The following UPB1 variants were observed in gnomAD, a reference collection of about 807,000 sequenced individuals.
UPB1 encodes beta-ureidopropionase 1, also known as beta-ureidopropionase.
UPB1 carries 40 observed loss-of-function variants against 49.1 expected under a neutral mutation model. The observed-to-expected ratio is 0.81, with a 90% CI of 0.63 to 1.06. UPB1 has a LOEUF of 1.06. UPB1 is among the 50% of genes least tolerant of loss of function. UPB1 has a pLI of 0.00. For synonymous variants in UPB1, 207 were observed against 198.2 expected, an observed-to-expected ratio of 1.04 and a Z score of -0.38; for missense variants, 499 against 505.9, an observed-to-expected ratio of 0.99 and a Z score of 0.13.
chr22:24,503,805 T>C (rs1289167460), intron 3 of UPB1: 3 of 152,314 alleles, frequency 2.0e-5, no homozygotes, highest in East Asian at 1.9e-4. Context: ...TCCTGACTCA[T>C]GGCACTCTCC....
intron 3 of UPB1, among the ~76,000 whole-genome samples, chr22:24,508,657 C>T (rs992615414): frequency 6.6e-6 from 1 of 152,122 alleles, no homozygotes; most frequent in Non-Finnish European, 1.5e-5. Flanking sequence ...GCAGCTGGAT[C>T]ACCTGAGGTC....
At chr22:24,508,680 C>A (rs1349738401) in intron 3 of UPB1, among the ~76,000 whole-genome samples, 1 of 152,096 alleles carries the variant, frequency 6.6e-6, no homozygotes, top group East Asian at 1.9e-4. Flanking sequence ...GAGTTTGAGA[C>A]CAGCCTGGCC....
chr22:24,515,925 A>G (rs949686300), intron 6 of UPB1, among the ~76,000 whole-genome samples: 39 of 152,196 alleles, frequency 2.6e-4, no homozygotes, highest in African/African-American at 8.9e-4. Flanking sequence ...GCAGTGAGCC[A>G]AGATGGCACC....
At chr22:24,524,633 G>GCAC (rs1384998553) in intron 9 of UPB1, among the ~76,000 whole-genome samples, 2 of 152,030 alleles carry the variant, frequency 1.3e-5, no homozygotes, top group East Asian at 1.9e-4. Context: ...CTATAGGCGT[G>GCAC]CACCACCACC....
intron 3 of UPB1, among the ~76,000 whole-genome samples, chr22:24,507,490 A>G (rs2044111197): frequency 6.6e-6 from 1 of 152,142 alleles, no homozygotes; most frequent in South Asian, 2.1e-4. Flanking sequence ...AAAGGGGGTG[A>G]CACCAGCTTA....
chr22:24,496,374 C>T (rs1601470456), intron 1 of UPB1, among the ~76,000 whole-genome samples: 1 of 73,382 alleles, frequency 1.4e-5, no homozygotes, highest in African/African-American at 4.5e-5. Flanking sequence ...CTGTCTCAAA[C>T]ACACACACAC....
chr22:24,525,871 G>A lies in UPB1; in HGVS notation c.*77G>A, dbSNP rs2044474879. On this transcript the variant is annotated 3_prime_UTR_variant, in exon 10 of 10. Coordinates refer to ENST00000326010, the MANE Select transcript of UPB1 (RefSeq NM_016327.3). ...TTAGCAAGTGTGGCAGGCTTAACAT[G>A]TCCAGGTTCTCCCCAATAACATTGT... 4.5e-6 allele frequency: 7 copies of A among 1,559,904 alleles called. No individual in the cohort carries two copies. The African/African-American group carries it at 5.4e-5, about 12-fold the overall frequency.
At chr22:24,521,931 G>A in intron 7 of UPB1, 55 bp from the exon 8 acceptor site, 1 of 1,582,838 alleles carries the variant, frequency 6.3e-7, no homozygotes, top group Non-Finnish European at 8.7e-7. Flanking sequence ...GAGCTGGAAT[G>A]AGTGTAGTGG....
chr22:24,497,403 TTAAAGTGCTGGTGG>T (rs2043912882), intron 1 of UPB1, among the ~76,000 whole-genome samples: 1 of 152,140 alleles, frequency 6.6e-6, no homozygotes, highest in Non-Finnish European at 1.5e-5. Context: ...GTTTAATGAT[TTAAAGTGCTGGTGG>T]TAAAGAGCCA....
rs760896351 is a variant in UPB1 at position 24,513,415 on chromosome 22, T to A, written c.551T>A (p.Ile184Asn). Residue 184 changes from isoleucine (I) to asparagine (N), a missense_variant, in exon 5 of 10, where the codon ATC becomes AAC. Physicochemically the swap from Ile to Asn is moderately radical, Grantham distance 149 (BLOSUM62 -3). Coordinates refer to ENST00000326010, the MANE Select transcript of UPB1 (RefSeq NM_016327.3). ...GDVLWNTAVV[I>N]SNSGAVLGKT... ...GTTTTGTGGAATACAGCCGTGGTGA[T>A]CTCCAATTCCGGAGCAGTCCTGGGA... 7.4e-6 allele frequency: 12 copies of A among 1,614,164 alleles called. No individual in the cohort carries two copies. The Admixed American group carries it at 1.0e-4, about 13-fold the overall frequency.
At chr22:24,500,340 ACCTGCAGG>A in intron 2 of UPB1, 62 bp downstream of exon 2, 1 of 1,606,642 alleles carries the variant, frequency 6.2e-7, no homozygotes, top group Non-Finnish European at 8.5e-7. Context: ...CTTGGAGCAC[ACCTGCAGG>A]CCCTGGCTGG....
In UPB1 at chr22:24,500,655, G is replaced by A. The variant is rs548465204; in HGVS notation, c.276+377G>A. 1.2e-4 allele frequency among the ~76,000 whole-genome samples: 19 copies of A among 152,346 alleles called. 1 individual carries two copies. The highest frequency in any genetic ancestry group is 1.1e-3 in the Admixed American group (17 of 15,308). ...ACACGCTGGTTGGGACCGTCTGTCC[G>A]TGTGTTCTTCTGCCTTAATCCTCAG... On this transcript the variant is annotated intron_variant, in intron 2 of 9. Coordinates refer to ENST00000326010, the MANE Select transcript of UPB1 (RefSeq NM_016327.3).
chr22:24,498,540 G>A (rs1477460940), intron 1 of UPB1, among the ~76,000 whole-genome samples: 1 of 152,270 alleles, frequency 6.6e-6, no homozygotes, highest in East Asian at 1.9e-4. Flanking sequence ...AGGGTGGAGC[G>A]GCCTCTCCTG....
chr22:24,497,053 C>T (rs1015011), intron 1 of UPB1, among the ~76,000 whole-genome samples: 7 of 152,062 alleles, frequency 4.6e-5, no homozygotes, highest in African/African-American at 7.3e-5. Flanking sequence ...TTCTCTCCCC[C>T]CTATCTCCCT....
At chr22:24,511,292 A>G (rs2044196939) in intron 4 of UPB1, among the ~76,000 whole-genome samples, 1 of 152,170 alleles carries the variant, frequency 6.6e-6, no homozygotes, top group Non-Finnish European at 1.5e-5. Context: ...CTTATAATAC[A>G]TATTGTATGA....
At chr22:24,510,145 A>C (rs9612641) in intron 3 of UPB1, among the ~76,000 whole-genome samples, 29 of 151,512 alleles carry the variant, frequency 1.9e-4, no homozygotes, top group South Asian at 1.0e-3. Flanking sequence ...AGGCAGGAGA[A>C]TTGCTTGAAC....
chr22:24,513,850 G>A (rs1190985479), intron 5 of UPB1, among the ~76,000 whole-genome samples: 1 of 152,182 alleles, frequency 6.6e-6, no homozygotes, highest in Non-Finnish European at 1.5e-5. Flanking sequence ...GCCCCTTTCA[G>A]GCTCAGAGCC....
Position 24,495,358 on chromosome 22 carries a change from G to T in UPB1, c.-46G>T, listed in dbSNP as rs1487373058. 1 of 1,601,702 alleles carries T rather than the reference G, an allele frequency of 6.2e-7. No homozygotes were observed. Among genetic ancestry groups the T allele is most frequent in the Admixed American group, 1.7e-5 (1 of 60,006 alleles). Reference sequence around the variant, plus strand: ...GGCACCTCCTCCCACTGCGGGCAAAGGGCAGGCAGTTCGTGCGCGGACACA... The same window carrying T: ...GGCACCTCCTCCCACTGCGGGCAAATGGCAGGCAGTTCGTGCGCGGACACA... On this transcript the variant is annotated 5_prime_UTR_variant, in exon 1 of 10. It adds an upstream start codon to the 5' untranslated region. Coordinates refer to ENST00000326010, the MANE Select transcript of UPB1 (RefSeq NM_016327.3).
At chr22:24,512,822 A>G (rs1417273328) in intron 4 of UPB1, among the ~76,000 whole-genome samples, 1 of 152,202 alleles carries the variant, frequency 6.6e-6, no homozygotes, top group African/African-American at 2.4e-5. Flanking sequence ...TTCATTTAGC[A>G]TAGTATCATC....
Sources: allele counts gnomAD v4.1 joint callset (sites outside exome capture counted in the v4.1 genomes callset), GRCh38; gene constraint gnomAD v4.1.1; transcripts MANE v1.5; gene names NCBI Gene and HGNC (gene_info 2026-07-23, HGNC 2026-07-21).